PPP1R42: variants seen among roughly 807,000 people sequenced by gnomAD.
PPP1R42 encodes the protein protein phosphatase 1 regulatory subunit 42.
Under a neutral mutation model 31.0 loss-of-function variants are expected in PPP1R42, and 34 were observed. That is an observed-to-expected ratio of 1.10 (90% CI 0.83 to 1.46). PPP1R42 has a LOEUF of 1.46. Among genes scored for constraint, PPP1R42 ranks in the 40% most tolerant of loss-of-function variants. The probability of loss-of-function intolerance (pLI) is 0.00; values close to 1 mark genes in which losing one functional copy is unlikely to be tolerated. For synonymous variants in PPP1R42, 103 were observed against 109.8 expected (o/e 0.94, Z 0.39); for missense variants, 268 against 303.0 (o/e 0.88, Z 0.86).
rs535014939 is a variant in PPP1R42, at chr8:66,984,443, C to T, written c.671-2263G>A. On this transcript the variant is annotated intron_variant, in intron 6 of 7. Coordinates refer to ENST00000685739, the MANE Select transcript of PPP1R42 (RefSeq NM_001364910.1). The stretch of plus-strand genomic sequence containing the variant: ...TTGGGGCCCCCTTCCACTACTACCA[C>T]GTTGACACCCTTGTGCAGTAACACC... 1.9e-5 allele frequency: 25 copies of T among 1,287,370 alleles called. 1 individual carries two copies. The highest frequency in any genetic ancestry group is 1.9e-4 in the Middle Eastern group (1 of 5,286). 79.7% of individuals were successfully genotyped at this position (1,287,370 alleles called of 1,614,324 possible).
At chr8:66,990,222 T>C (rs577394849) in intron 5 of PPP1R42, among the ~76,000 whole-genome samples, 61 of 152,208 alleles carry the variant, frequency 4.0e-4, no homozygotes, top group Non-Finnish European at 6.3e-4. Context: ...GAAGGGATTA[T>C]GTATCACATT....
chr8:67,020,360 C>T (rs1250846505), intron 1 of PPP1R42, among the ~76,000 whole-genome samples: 1 of 152,032 alleles, frequency 6.6e-6, no homozygotes, highest in African/African-American at 2.4e-5. Flanking sequence ...GCCACCATGC[C>T]CGGCTAATTT....
chr8:66,967,460 T>C (rs1422971453), intron 7 of PPP1R42, among the ~76,000 whole-genome samples: 2 of 152,230 alleles, frequency 1.3e-5, no homozygotes, highest in Non-Finnish European at 2.9e-5. Context: ...AAGCAAAATT[T>C]GCAAGTGAGT....
intron 7 of PPP1R42, among the ~76,000 whole-genome samples, chr8:66,977,224 C>T (rs1004914453): frequency 3.6e-4 from 55 of 151,486 alleles, no homozygotes; most frequent in Admixed American, 2.0e-3. Flanking sequence ...TTAGTAGAGA[C>T]GAGGTTTCAC....
chr8:67,019,087 C>G (rs1318473387), intron 1 of PPP1R42, among the ~76,000 whole-genome samples: 1 of 150,760 alleles, frequency 6.6e-6, no homozygotes, highest in Non-Finnish European at 1.5e-5. Flanking sequence ...TGGCCTGCCT[C>G]GGCCTCCCAA....
At chr8:66,984,819 C>A in intron 6 of PPP1R42, 1 of 1,603,576 alleles carries the variant, frequency 6.2e-7, no homozygotes. Context: ...CTGGAGGAGG[C>A]ATCAGGCCCA....
chr8:66,988,566 A>C lies in PPP1R42; in HGVS notation c.553-49T>G, dbSNP rs959488523. On this transcript the variant is annotated intron_variant, in intron 5 of 7. Transcript: ENST00000685739. Reference sequence around the variant, plus strand: ...AAGCACAAGCATTTCATATTTACCAATACTTCTAGCATGTCAGTTATTGTT... The same window carrying C: ...AAGCACAAGCATTTCATATTTACCACTACTTCTAGCATGTCAGTTATTGTT... 3.3e-6 allele frequency: 5 copies of C among 1,508,902 alleles called. No homozygotes were observed. The African/African-American group carries it at 5.6e-5, about 17-fold the overall frequency. 93.5% of individuals were successfully genotyped at this position (1,508,902 alleles called of 1,614,324 possible).
chr8:67,012,288 T>C (rs573970740), intron 4 of PPP1R42, among the ~76,000 whole-genome samples: 149 of 152,268 alleles, frequency 9.8e-4, no homozygotes, highest in Non-Finnish European at 1.9e-3. Context: ...ACAACTACCA[T>C]GTCCCATTTA....
At position 67,002,983 on chromosome 8, in the gene PPP1R42, C is replaced by T. The variant is rs1249199007; in HGVS notation, c.552+7732G>A. 3.3e-5 allele frequency among the ~76,000 whole-genome samples: 5 copies of T among 149,778 alleles called. No individual in the cohort carries two copies. In the East Asian group the frequency reaches 9.7e-4, roughly 29 times the overall value. On this transcript the variant is annotated intron_variant, in intron 5 of 7. Coordinates refer to ENST00000685739, the MANE Select transcript of PPP1R42 (RefSeq NM_001364910.1). ...CAGTCTGGCCAACATAGTGAAACCC[C>T]CATCTCTACTAAAAATACAAAAAAA...
intron 6 of PPP1R42, chr8:66,988,073 G>A: frequency 1.1e-6 from 1 of 901,198 alleles, no homozygotes; most frequent in Non-Finnish European, 1.3e-6. Flanking sequence ...AGTCTCTTGG[G>A]ATCATCAAAG....
intron 7 of PPP1R42, among the ~76,000 whole-genome samples, chr8:66,969,068 T>C (rs1814465759): frequency 6.6e-6 from 1 of 152,186 alleles, no homozygotes; most frequent in South Asian, 2.1e-4. Context: ...CTGTATTTAG[T>C]GTTCGTAGTT....
At chr8:66,995,157 G>C (rs929295445) in intron 5 of PPP1R42, among the ~76,000 whole-genome samples, 4 of 152,064 alleles carry the variant, frequency 2.6e-5, no homozygotes, top group Non-Finnish European at 5.9e-5. Context: ...ACAAAAAGAA[G>C]GAAAAAATTA....
intron 5 of PPP1R42, among the ~76,000 whole-genome samples, chr8:66,999,167 C>G (rs1815413782): frequency 6.6e-6 from 1 of 152,118 alleles, no homozygotes; most frequent in African/African-American, 2.4e-5. Context: ...ATATGATCCT[C>G]CCACCTCAGC....
At chr8:66,969,762 C>T (rs568296485) in intron 7 of PPP1R42, among the ~76,000 whole-genome samples, 10 of 152,262 alleles carry the variant, frequency 6.6e-5, no homozygotes, top group South Asian at 2.1e-4. Context: ...AAAAGGAAAA[C>T]GATTCCAAAG....
intron 5 of PPP1R42, among the ~76,000 whole-genome samples, chr8:66,998,155 A>G (rs1243572847): frequency 2.0e-5 from 3 of 152,204 alleles, no homozygotes; most frequent in African/African-American, 7.2e-5. Context: ...AAAACAAAAA[A>G]TCAAAACCAG....
At chr8:66,990,720 T>A (rs1482927499) in intron 5 of PPP1R42, among the ~76,000 whole-genome samples, 3 of 152,204 alleles carry the variant, frequency 2.0e-5, no homozygotes, top group African/African-American at 4.8e-5. Flanking sequence ...CATACTCCAA[T>A]CTTTATCGGA....
At chr8:67,025,816 A>G (rs1366617837) in intron 1 of PPP1R42, among the ~76,000 whole-genome samples, 1 of 143,964 alleles carries the variant, frequency 6.9e-6, no homozygotes, top group Non-Finnish European at 1.5e-5. Context: ...ACCAGCCTGG[A>G]CAACATGGTG....
chr8:67,012,930 TTGTCAAAATATTCAAA>T lies in PPP1R42; in HGVS notation c.435+12_435+27del. 3 of 1,582,120 alleles carry T rather than the reference TTGTCAAAATATTCAAA, an allele frequency of 1.9e-6. No homozygotes were observed. The highest frequency in any genetic ancestry group is 2.6e-6 in the Non-Finnish European group (3 of 1,168,074). On this transcript the variant is annotated intron_variant, in intron 4 of 7. Coordinates refer to ENST00000685739, the MANE Select transcript of PPP1R42 (RefSeq NM_001364910.1). Reference sequence around the variant, plus strand: ...TATAACTTGTTAATCACTATATTCCTTGTCAAAATATTCAAATGTGAACTTACTGCCAGAGAATGAA... The same window carrying T: ...TATAACTTGTTAATCACTATATTCCTTGTGAACTTACTGCCAGAGAATGAA...
chr8:66,985,902 T>C (rs1814995276), intron 6 of PPP1R42: 19 of 915,186 alleles, frequency 2.1e-5, no homozygotes, highest in Non-Finnish European at 3.1e-5. Flanking sequence ...TGCTGCTTCT[T>C]TACTCCTGAT....
Sources: gnomAD v4.1 joint callset for allele counts (sites outside exome capture counted in the v4.1 genomes callset) on GRCh38, gnomAD v4.1.1 for gene constraint, MANE v1.5 for transcripts, NCBI Gene and HGNC (gene_info 2026-07-23, HGNC 2026-07-21) for gene names.